Variants in SUGCT observed in about 807,000 individuals in gnomAD.
SUGCT encodes the protein succinyl-CoA:glutarate CoA-transferase.
A neutral mutation model predicts 55.0 loss-of-function variants in SUGCT; 41 were observed. The observed-to-expected ratio is 0.74, with a 90% CI of 0.58 to 0.97. SUGCT has a LOEUF of 0.97. Ranked by LOEUF, SUGCT falls within the 50% of genes least tolerant of loss-of-function variation. The probability of loss-of-function intolerance (pLI) is 0.00; values close to 1 mark genes in which losing one functional copy is unlikely to be tolerated. For missense variants in SUGCT, 568 were observed against 547.8 expected, an observed-to-expected ratio of 1.04 and a Z score of -0.37; for synonymous variants, 187 against 200.4, an observed-to-expected ratio of 0.93 and a Z score of 0.56.
At chr7:40,658,983 T>C (rs1198295051) in intron 12 of SUGCT, among the ~76,000 whole-genome samples, 1 of 152,172 alleles carries the variant, frequency 6.6e-6, no homozygotes, top group East Asian at 1.9e-4. Context: ...ACTCTATTTG[T>C]CCCTACAAGA....
intron 9 of SUGCT, among the ~76,000 whole-genome samples, chr7:40,377,502 C>G (rs1784664620): frequency 6.6e-6 from 1 of 151,836 alleles, no homozygotes; most frequent in African/African-American, 2.4e-5. Context: ...CTCGGCCTCC[C>G]AAAGTGCTGG....
chr7:41,008,905 G>A, the SUGCT span, among the ~76,000 whole-genome samples: 1 of 152,082 alleles, frequency 6.6e-6, no homozygotes, highest in African/African-American at 2.4e-5. Context: ...CCGAAGGGAT[G>A]GTGTCTGGTC....
chr7:40,215,805 TGAGCC>T (rs1156348935), intron 6 of SUGCT, among the ~76,000 whole-genome samples: 1 of 150,218 alleles, frequency 6.7e-6, no homozygotes, highest in African/African-American at 2.5e-5. Flanking sequence ...GAGCTTGCAG[TGAGCC>T]GAGATCGCGC....
At chr7:40,460,419 C>T (rs1217956321) in intron 11 of SUGCT, among the ~76,000 whole-genome samples, 1 of 152,166 alleles carries the variant, frequency 6.6e-6, no homozygotes, top group Non-Finnish European at 1.5e-5. Flanking sequence ...TAACTTTTCT[C>T]CACATGAGAA....
chr7:41,000,355 T>A, the SUGCT span, among the ~76,000 whole-genome samples: 1 of 152,094 alleles, frequency 6.6e-6, no homozygotes, highest in East Asian at 1.9e-4. Context: ...GGTTGATACG[T>A]CCATAATTTA....
intron 8 of SUGCT, among the ~76,000 whole-genome samples, chr7:40,316,349 G>A (rs1196542867): frequency 6.6e-6 from 1 of 152,076 alleles, no homozygotes; most frequent in Non-Finnish European, 1.5e-5. Flanking sequence ...TCTACTCAGT[G>A]ATGACACAGG....
At chr7:40,411,415 A>G (rs574348828) in intron 9 of SUGCT, among the ~76,000 whole-genome samples, 2 of 152,330 alleles carry the variant, frequency 1.3e-5, no homozygotes, top group East Asian at 1.9e-4. Flanking sequence ...CAAAAAGCCA[A>G]TGAATTATAC....
intron 9 of SUGCT, among the ~76,000 whole-genome samples, chr7:40,392,985 G>A (rs1325616311): frequency 6.6e-6 from 1 of 152,208 alleles, no homozygotes; most frequent in Non-Finnish European, 1.5e-5. Context: ...AGAAGATATA[G>A]TGAGTTTGGT....
intron 8 of SUGCT, among the ~76,000 whole-genome samples, chr7:40,313,154 A>G (rs1273604998): frequency 6.6e-6 from 1 of 152,242 alleles, no homozygotes; most frequent in East Asian, 1.9e-4. Context: ...GTTTGCTGTC[A>G]GAATGATTAT....
At chr7:40,937,677 G>T in the SUGCT span, among the ~76,000 whole-genome samples, 7,145 of 151,728 alleles carry the variant, frequency 0.047, 229 homozygotes, top group East Asian at 0.14. Context: ...AATTTTTTTT[G>T]TCTGAACGTC....
rs145564769 is a variant in SUGCT at position 40,684,831 on chromosome 7, G to A, written c.1090-64603G>A. Among the ~76,000 whole-genome samples, 11 of 152,010 alleles carry A rather than the reference G, an allele frequency of 7.2e-5. No individual in the cohort carries two copies. In the East Asian group the frequency reaches 1.9e-3, roughly 27 times the overall value. On this transcript the variant is annotated intron_variant, in intron 12 of 13. Transcript: ENST00000335693. ...GACACATAGTGTTTTATGAGTTTTCGTGGTTGTTTTTGTTGTTGAGACAGA... is the reference window on the plus strand; with the variant it reads ...GACACATAGTGTTTTATGAGTTTTCATGGTTGTTTTTGTTGTTGAGACAGA...
intron 8 of SUGCT, among the ~76,000 whole-genome samples, chr7:40,313,109 G>T (rs1436003418): frequency 6.6e-6 from 1 of 152,088 alleles, no homozygotes. Context: ...TAGAAACAAA[G>T]AATATCAGGA....
chr7:40,195,094 G>T, intron 6 of SUGCT, 34 bp downstream of exon 6: 1 of 1,554,766 alleles, frequency 6.4e-7, no homozygotes, highest in Non-Finnish European at 8.7e-7. Context: ...CAGTTAAAAG[G>T]TTTTCCAGTT....
intron 6 of SUGCT, among the ~76,000 whole-genome samples, chr7:40,208,196 G>A (rs961129583): frequency 2.6e-5 from 4 of 152,138 alleles, no homozygotes; most frequent in African/African-American, 9.7e-5. Context: ...GGAGAGACTC[G>A]GGAGTTAGTG....
the SUGCT span, among the ~76,000 whole-genome samples, chr7:41,037,269 C>T: frequency 6.6e-6 from 1 of 152,082 alleles, no homozygotes; most frequent in Non-Finnish European, 1.5e-5. Context: ...CACATAGACA[C>T]TCTCGCCTTT....
intron 13 of SUGCT, among the ~76,000 whole-genome samples, chr7:40,767,998 G>C (rs1788889222): frequency 6.6e-6 from 1 of 152,176 alleles, no homozygotes; most frequent in South Asian, 2.1e-4. Flanking sequence ...ACACATTTGA[G>C]CACCATGACT....
Position 40,528,625 on chromosome 7 carries a change from T to G in SUGCT, c.1089+32239T>G, listed in dbSNP as rs116713206. Among the ~76,000 whole-genome samples, 857 of 152,314 alleles carry G rather than the reference T, an allele frequency of 5.6e-3. 6 individuals carry two copies. The highest frequency in any genetic ancestry group is 0.02 in the African/African-American group (822 of 41,574). On this transcript the variant is annotated intron_variant, in intron 12 of 13. Coordinates refer to ENST00000335693, the MANE Select transcript of SUGCT (RefSeq NM_001193313.2). ...TTAATGATATCGAAACTCTTAAGAA[T>G]GACCCAAGTAAAATATAATTTTATG... is the stretch of plus-strand genomic sequence containing the variant.
chr7:40,855,764 G>A (rs1375194377), intron 13 of SUGCT, among the ~76,000 whole-genome samples: 1 of 152,156 alleles, frequency 6.6e-6, no homozygotes, highest in African/African-American at 2.4e-5. Flanking sequence ...TTACGACATG[G>A]ATTCAGAGCC....
chr7:40,519,249 T>C (rs1469122189), intron 12 of SUGCT, among the ~76,000 whole-genome samples: 4 of 152,088 alleles, frequency 2.6e-5, no homozygotes, highest in African/African-American at 7.2e-5. Context: ...AAATTCCAAA[T>C]GTGATCCTGA....
Sources: gnomAD v4.1 joint callset for allele counts (sites outside exome capture counted in the v4.1 genomes callset) on GRCh38, gnomAD v4.1.1 for gene constraint, MANE v1.5 for transcripts, NCBI Gene and HGNC (gene_info 2026-07-23, HGNC 2026-07-21) for gene names.